Variants in NEB observed in about 807,000 individuals in gnomAD.
NEB encodes the protein nemaline myopathy type 2.
NEB carries 512 observed loss-of-function variants against 952.2 expected under a neutral mutation model. The ratio of observed to expected loss-of-function variants is 0.54; its 90% CI spans 0.50 to 0.58. The LOEUF (loss-of-function observed/expected upper bound fraction) is 0.58. Among genes scored for constraint, NEB ranks in the 20% least tolerant of loss-of-function variants. NEB has a pLI of 0.00. For synonymous variants in NEB, 2,900 were observed against 3,149.8 expected, an observed-to-expected ratio of 0.92 and a Z score of 2.66; for missense variants, 8,428 against 9,231.1, an observed-to-expected ratio of 0.91 and a Z score of 3.56.
chr2:151,540,524 G>T, intron 137 of NEB, 76 bp from the exon 138 acceptor site: 1 of 1,208,432 alleles, frequency 8.3e-7, no homozygotes, highest in Non-Finnish European at 1.2e-6. Flanking sequence ...TACAGGTCTT[G>T]TGGAGGGGCA....
At chr2:151,640,791 G>T (rs2098837138) in intron 60 of NEB, 125 bp from the exon 61 acceptor site, 1 of 844,284 alleles carries the variant, frequency 1.2e-6, no homozygotes, top group South Asian at 2.1e-5. Context: ...TATGATAGAT[G>T]TAGAAACAAT....
intron 68 of NEB, among the ~76,000 whole-genome samples, chr2:151,628,369 A>C (rs1187269863): frequency 1.3e-5 from 2 of 152,172 alleles, no homozygotes; most frequent in African/African-American, 2.4e-5. Flanking sequence ...CCCATACTAC[A>C]AGCCCTGCTC....
chr2:151,572,335 ATAAAG>A (rs1234587458), intron 107 of NEB, among the ~76,000 whole-genome samples: 2 of 151,968 alleles, frequency 1.3e-5, no homozygotes, highest in African/African-American at 4.8e-5. Context: ...AAATAAATAA[ATAAAG>A]TAATTAATTA....
Position 151,541,467 on chromosome 2 carries a change from C to T in NEB, c.20662G>A (p.Gly6888Arg). The change falls in exon 136 of 182, where the codon GGG becomes AGG. Residue 6888 changes from glycine (G) to arginine (R), a missense_variant. Physicochemically the swap from Gly to Arg is moderately radical, Grantham distance 125. Around this residue, in one of 11 missense-constraint regions of NEB, gnomAD observed 3,374 missense variants for 3,651.5 expected, o/e 0.92. Transcript: ENST00000397345. ...DTPDLLRAKR[G>R]QKLQSQYLYV... is the part of the protein sequence containing the mutation. ...CTTACCTGACTCTGAAGCTTCTGCC[C>T]TCGCTTGGCTCTTAAAAGATCAGGA... The T allele has an allele frequency of 6.2e-7, 1 of 1,612,686 alleles. No individual in the cohort carries two copies. Among genetic ancestry groups the T allele is most frequent in the South Asian group, 1.1e-5 (1 of 90,786 alleles).
chr2:151,692,944 T>A (rs1376710004), intron 20 of NEB, among the ~76,000 whole-genome samples: 1 of 152,180 alleles, frequency 6.6e-6, no homozygotes, highest in Non-Finnish European at 1.5e-5. Context: ...CACCCCAGCC[T>A]GGATGACAGA....
chr2:151,655,384 G>C lies in NEB; in HGVS notation c.6703-10C>G, dbSNP rs780740443. 1.4e-6 allele frequency: 2 copies of C among 1,449,474 alleles called. No homozygotes were observed. Among genetic ancestry groups the C allele is most frequent in the South Asian group, 1.3e-5 (1 of 76,932 alleles). The allele number at this position is 1,449,474 out of a possible 1,614,324, so 89.8% of individuals were successfully genotyped here. Reference sequence around the variant, plus strand: ...CAATGGTGTATAAATGCTAGGAAGTGGGAAAAAAAGACATGAAATTTGAAT... The same window carrying C: ...CAATGGTGTATAAATGCTAGGAAGTCGGAAAAAAAGACATGAAATTTGAAT... On this transcript the variant is annotated splice_polypyrimidine_tract_variant and intron_variant, in intron 50 of 181. Transcript: ENST00000397345.
rs767001471 is a variant in NEB, at chr2:151,541,523, T to A, written c.20606A>T (p.Gln6869Leu). The A allele has an allele frequency of 2.5e-6, 4 of 1,613,478 alleles. No homozygotes were observed. The highest frequency in any genetic ancestry group is 3.4e-6 in the Non-Finnish European group (4 of 1,179,610). The change falls in exon 136 of 182, where the codon CAG becomes CTG. Residue 6869 changes from glutamine to leucine, a missense_variant. Physicochemically the swap from Gln to Leu is moderately radical, Grantham distance 113. Coordinates refer to ENST00000397345, the MANE Select transcript of NEB (RefSeq NM_001164508.2). Reference protein sequence around the residue: ...ELVYRAAGKKQKSIFTSVPDT... With the variant: ...ELVYRAAGKKLKSIFTSVPDT... ...AGGAACTGAAGTAAAGATTGACTTC[T>A]GCTTCTTGCCTGCAGCTCTGTAGAC...
At position 151,570,584 on chromosome 2, in the gene NEB, G is replaced by A. The variant is rs143684640; in HGVS notation, c.17031C>T (p.Gly5677=). 1.3e-6 allele frequency: 2 copies of A among 1,598,876 alleles called. No individual in the cohort carries two copies. The highest frequency in any genetic ancestry group is 3.4e-5 in the Admixed American group (2 of 58,168). Residue 5677 remains glycine (G), a synonymous_variant, in exon 108 of 182, where the codon GGC becomes GGT. Coordinates refer to ENST00000397345, the MANE Select transcript of NEB (RefSeq NM_001164508.2). Reference sequence around the variant, plus strand: ...CACAGCCCGCCTTCATTTCATCCCAGCCCTCACGGTAAAGTTTCTGAAAAG... The same window carrying A: ...CACAGCCCGCCTTCATTTCATCCCAACCCTCACGGTAAAGTTTCTGAAAAG... ...LNVSNKLYRE[G]WDEMKAGCDV...
rs550832252 is a variant in NEB at position 151,672,417 on chromosome 2, G to A, written c.4251C>T (p.Asp1417=). ...QPLHHYTYLP[D]AMSLEHTRNV... is the part of the protein sequence containing the mutation. ...TCCTCGTATGCTCAAGACTCATGGC[G>A]TCAGGTAGGTATGTGTAATGATGCA... Residue 1417 remains aspartate (D), a synonymous_variant, in exon 37 of 182, where the codon GAC becomes GAT. Coordinates refer to ENST00000397345, the MANE Select transcript of NEB (RefSeq NM_001164508.2). 58 of 1,612,254 alleles carry A rather than the reference G, an allele frequency of 3.6e-5. No individual in the cohort carries two copies. The highest frequency in any genetic ancestry group is 1.3e-4 in the Admixed American group (8 of 60,018).
rs768877114 is a variant in NEB at position 151,687,662 on chromosome 2, C to G, written c.2487G>C (p.Leu829=). The G allele has an allele frequency of 1.2e-6, 2 of 1,610,890 alleles. No homozygotes were observed. The highest frequency in any genetic ancestry group is 1.3e-5 in the African/African-American group (1 of 74,906). ...TCTTGGTGTTGGCTTTGGCTGCCAA[C>G]AGGGGAATGGCGTCCACTTTAATGT... ...KFDIKVDAIP[L]LAAKANTKNT... is the part of the protein sequence containing the mutation. Residue 829 remains leucine (L), a synonymous_variant, in exon 26 of 182, where the codon CTG becomes CTC. Transcript: ENST00000397345.
chr2:151,695,452 G>C, intron 18 of NEB, 126 bp downstream of exon 18: 1 of 712,430 alleles, frequency 1.4e-6, no homozygotes, highest in South Asian at 1.7e-5. Context: ...ATAGCAACAT[G>C]ATACAAATGT....
rs116231664 is a variant in NEB, at chr2:151,622,502, A to T, written c.10453-1476T>A. Among the ~76,000 whole-genome samples the T allele has an allele frequency of 4.6e-3, 705 of 152,346 alleles. 3 individuals are homozygous for T. Among genetic ancestry groups the T allele is most frequent in the African/African-American group, 0.016 (645 of 41,590 alleles). On this transcript the variant is annotated intron_variant, in intron 71 of 181. Transcript: ENST00000397345. ...ACAGAAAAGTTGCAAGAATGCTACA[A>T]TGAATACCAACTATCCAATTTATTA...
intron 181 of NEB, among the ~76,000 whole-genome samples, chr2:151,487,590 G>A (rs962093741): frequency 1.3e-5 from 2 of 151,702 alleles, no homozygotes; most frequent in Admixed American, 6.6e-5. Flanking sequence ...ATAATATCAC[G>A]AATTATTCAG....
At chr2:151,688,582 C>T (rs2099521051) in intron 24 of NEB, among the ~76,000 whole-genome samples, 186 bp from the exon 25 acceptor site, 2 of 152,180 alleles carry the variant, frequency 1.3e-5, no homozygotes, top group Admixed American at 6.5e-5. Flanking sequence ...CACAGTCCTC[C>T]TTTGTCCTTG....
At chr2:151,568,285 C>G (rs2096498351) in intron 112 of NEB, 31 bp downstream of exon 112, 1 of 1,605,848 alleles carries the variant, frequency 6.2e-7, no homozygotes, top group African/African-American at 1.3e-5. Context: ...CACTCGTACA[C>G]AAACACCAGG....
Position 151,526,268 on chromosome 2 carries a change from G to C in NEB, c.21946-6C>G, listed in dbSNP as rs2085770082. On this transcript the variant is annotated splice_polypyrimidine_tract_variant and splice_region_variant and intron_variant, in intron 148 of 181. Transcript: ENST00000397345. ...TGTTTCTCTTTGTATTTCAGCTTCA[G>C]GGGCAGGAAAAGGGGCATTTCTTTA... is the stretch of plus-strand genomic sequence containing the variant. 1.3e-6 allele frequency: 2 copies of C among 1,598,008 alleles called. No homozygotes were observed. Among genetic ancestry groups the C allele is most frequent in the African/African-American group, 1.3e-5 (1 of 74,754 alleles).
At chr2:151,627,277 C>T (rs1364335122) in intron 69 of NEB, 72 bp from the exon 70 acceptor site, 1 of 1,516,644 alleles carries the variant, frequency 6.6e-7, no homozygotes. Context: ...AAAAAAATAA[C>T]ACTAGAAAGC....
At chr2:151,660,807 G>A (rs2099138136) in intron 46 of NEB, among the ~76,000 whole-genome samples, 1 of 152,160 alleles carries the variant, frequency 6.6e-6, no homozygotes, top group South Asian at 2.1e-4. Context: ...CTCTGTTTTA[G>A]ACCAGCACTA....
chr2:151,610,096 T>C lies in NEB; in HGVS notation c.12043A>G (p.Lys4015Glu), dbSNP rs2153972343. 1 of 1,611,610 alleles carries C rather than the reference T, an allele frequency of 6.2e-7. No homozygotes were observed. Among genetic ancestry groups the C allele is most frequent in the Non-Finnish European group, 8.5e-7 (1 of 1,178,802 alleles). Reference sequence around the variant, plus strand: ...GCTCCAATGTGGTGGCCTTTCTGTTTCTCATAGGCTTCCTTGTATTTGTAC... The same window carrying C: ...GCTCCAATGTGGTGGCCTTTCTGTTCCTCATAGGCTTCCTTGTATTTGTAC... Reference protein sequence around the residue: ...SDYKYKEAYEKQKGHHIGAQS... With the variant: ...SDYKYKEAYEEQKGHHIGAQS... Residue 4015 changes from lysine (K) to glutamate (E), a missense_variant, in exon 81 of 182, where the codon AAA (lysine) becomes GAA (glutamate). Physicochemically the swap from Lys to Glu is moderately conservative, Grantham distance 56. Around this residue, in one of 11 missense-constraint regions of NEB, gnomAD observed 337 missense variants for 297.5 expected, o/e 1.13. Coordinates refer to ENST00000397345, the MANE Select transcript of NEB (RefSeq NM_001164508.2).
Sources: gnomAD v4.1 joint callset for allele counts (sites outside exome capture counted in the v4.1 genomes callset) on GRCh38, gnomAD v4.1.1 for gene constraint, gnomAD v4.1.1 regional missense constraint, MANE v1.5 for transcripts, NCBI Gene and HGNC (gene_info 2026-07-23, HGNC 2026-07-21) for gene names.